The following GATAD2B variants were observed in gnomAD, a reference collection of about 807,000 sequenced individuals.
GATAD2B encodes GATA zinc finger domain containing 2B.
GATAD2B carries 8 observed loss-of-function variants against 64.3 expected under a neutral mutation model. That is an observed-to-expected ratio of 0.12 (90% CI 0.07 to 0.22). GATAD2B has a LOEUF of 0.22. GATAD2B is among the 10% of genes least tolerant of loss of function. GATAD2B has a pLI of 1.00. For synonymous variants in GATAD2B, 281 were observed against 271.3 expected, an observed-to-expected ratio of 1.04 and a Z score of -0.35; for missense variants, 453 against 752.0, an observed-to-expected ratio of 0.60 and a Z score of 4.65.
chr1:153,837,301 G>T (rs1675300593), intron 1 of GATAD2B, among the ~76,000 whole-genome samples: 1 of 151,580 alleles, frequency 6.6e-6, no homozygotes, highest in Non-Finnish European at 1.5e-5. Context: ...GACTAGCCTA[G>T]GCAACAGAGT....
chr1:153,922,492 G>A (rs1460097539), intron 1 of GATAD2B, among the ~76,000 whole-genome samples: 11 of 145,950 alleles, frequency 7.5e-5, no homozygotes, highest in Non-Finnish European at 1.2e-4. Flanking sequence ...GGGGGGAGAG[G>A]ATGAGGTGAA....
intron 1 of GATAD2B, among the ~76,000 whole-genome samples, chr1:153,829,216 A>C (rs1004286616): frequency 4.0e-5 from 6 of 151,294 alleles, no homozygotes; most frequent in Non-Finnish European, 8.9e-5. Context: ...GGAAACAACA[A>C]AAAAAAAATC....
At chr1:153,863,756 T>A (rs1016069693) in intron 1 of GATAD2B, among the ~76,000 whole-genome samples, 2 of 151,940 alleles carry the variant, frequency 1.3e-5, no homozygotes, top group African/African-American at 4.8e-5. Flanking sequence ...CCTGAGTAGC[T>A]GGGACTACAG....
intron 1 of GATAD2B, among the ~76,000 whole-genome samples, chr1:153,916,958 C>A (rs1212421847): frequency 1.3e-5 from 2 of 151,888 alleles, no homozygotes; most frequent in African/African-American, 4.8e-5. Context: ...CAGGCGCCCA[C>A]CACCATGTCT....
At chr1:153,913,402 C>T (rs993998659) in intron 1 of GATAD2B, among the ~76,000 whole-genome samples, 32 of 152,302 alleles carry the variant, frequency 2.1e-4, no homozygotes, top group African/African-American at 7.7e-4. Flanking sequence ...TAGTGTGATA[C>T]TGCCATCTTT....
chr1:153,855,224 TG>T (rs1477289100), intron 1 of GATAD2B, among the ~76,000 whole-genome samples: 63 of 32,928 alleles, frequency 1.9e-3, no homozygotes, highest in Non-Finnish European at 4.7e-3. Flanking sequence ...GCTTTCTTTT[TG>T]TTTTTTTTTT....
intron 1 of GATAD2B, among the ~76,000 whole-genome samples, chr1:153,889,859 A>C (rs1677316349): frequency 3.9e-5 from 6 of 152,172 alleles, no homozygotes; most frequent in Admixed American, 3.3e-4. Flanking sequence ...AAATTTACAA[A>C]CATCTACATT....
intron 1 of GATAD2B, among the ~76,000 whole-genome samples, chr1:153,889,280 C>A (rs1042094453): frequency 6.6e-6 from 1 of 151,700 alleles, no homozygotes; most frequent in Non-Finnish European, 1.5e-5. Flanking sequence ...GGCGTGGTGG[C>A]ACATCCCTGT....
At chr1:153,817,280 T>G in intron 6 of GATAD2B, 92 bp downstream of exon 6, 1 of 1,203,898 alleles carries the variant, frequency 8.3e-7, no homozygotes. Flanking sequence ...AGTTTATCTA[T>G]GTATAAAAAC....
At chr1:153,856,262 A>G (rs998396609) in intron 1 of GATAD2B, among the ~76,000 whole-genome samples, 1 of 152,306 alleles carries the variant, frequency 6.6e-6, no homozygotes, top group East Asian at 1.9e-4. Context: ...TTGCCATGAA[A>G]CGGAACATAT....
chr1:153,823,714 CTTTTTTTTTTTG>C (rs1310746882), intron 2 of GATAD2B, among the ~76,000 whole-genome samples: 3 of 139,192 alleles, frequency 2.2e-5, no homozygotes, highest in Non-Finnish European at 4.7e-5. Flanking sequence ...ATCGGTTTTG[CTTTTTTTTTTTG>C]TTTTTTTGTT....
At chr1:153,921,726 T>C (rs1678437213) in intron 1 of GATAD2B, 1 of 152,178 alleles carries the variant, frequency 6.6e-6, no homozygotes, top group Non-Finnish European at 1.5e-5. Context: ...TCAGTTAGCA[T>C]CCACATGCCA....
chr1:153,853,414 T>A, intron 1 of GATAD2B: 1 of 646,686 alleles, frequency 1.5e-6, no homozygotes, highest in Non-Finnish European at 2.8e-6. Flanking sequence ...AGATGCCATT[T>A]TTCTTCCTGG....
In GATAD2B at chr1:153,811,743, G is replaced by A. The variant is rs1674299194; in HGVS notation, c.1636C>T (p.Leu546Phe). The stretch of plus-strand genomic sequence containing the variant: ...TAATCCTTCTTACCTGGCATACCAA[G>A]GAGGCCACCTGGCACAGACAACTGG... ...APQLSVPGGL[L>F]GMPGVNIAYL... Residue 546 changes from leucine to phenylalanine, a missense_variant, in exon 10 of 11, where the codon CTT (leucine) becomes TTT (phenylalanine). This residue lies in a region of GATAD2B where 160 missense variants were observed against 334.7 expected (regional missense o/e 0.48). Transcript: ENST00000368655. 1 of 1,607,362 alleles carries A rather than the reference G, an allele frequency of 6.2e-7. No individual in the cohort carries two copies. The highest frequency in any genetic ancestry group is 1.3e-5 in the African/African-American group (1 of 74,706).
intron 1 of GATAD2B, among the ~76,000 whole-genome samples, chr1:153,858,076 G>A (rs1676153583): frequency 6.6e-6 from 1 of 152,176 alleles, no homozygotes; most frequent in Non-Finnish European, 1.5e-5. Flanking sequence ...AAATGTGGCT[G>A]ACTTCAAGAA....
chr1:153,832,517 A>G (rs192387139), intron 1 of GATAD2B, among the ~76,000 whole-genome samples: 9 of 152,366 alleles, frequency 5.9e-5, no homozygotes, highest in Non-Finnish European at 8.8e-5. Context: ...AAGTCACGCC[A>G]TAACACCAAA....
At chr1:153,909,200 G>A (rs1678042576) in intron 1 of GATAD2B, among the ~76,000 whole-genome samples, 1 of 151,848 alleles carries the variant, frequency 6.6e-6, no homozygotes, top group Non-Finnish European at 1.5e-5. Context: ...GCAAAATCTT[G>A]TCTCATTAAA....
intron 2 of GATAD2B, 74 bp from the exon 3 acceptor site, chr1:153,819,809 C>T: frequency 7.3e-7 from 1 of 1,376,300 alleles, no homozygotes; most frequent in Non-Finnish European, 9.9e-7. Flanking sequence ...TTAAAAAAAT[C>T]CAAGGGGGGC....
chr1:153,848,761 G>C (rs1213631567), intron 1 of GATAD2B, among the ~76,000 whole-genome samples: 2 of 152,058 alleles, frequency 1.3e-5, no homozygotes, highest in Admixed American at 1.3e-4. Flanking sequence ...AGAACAGCCT[G>C]GTCAAGATGG....
Sources: allele counts gnomAD v4.1 joint callset (sites outside exome capture counted in the v4.1 genomes callset), GRCh38; gene constraint gnomAD v4.1.1; regional missense constraint gnomAD v4.1.1; transcripts MANE v1.5; gene names NCBI Gene and HGNC (gene_info 2026-07-23, HGNC 2026-07-21).